Variants in RPH3A observed in about 807,000 individuals in gnomAD.
RPH3A encodes rabphilin-3A.
Under a neutral mutation model 102.2 loss-of-function variants are expected in RPH3A, and 48 were observed. The ratio of observed to expected loss-of-function variants is 0.47; its 90% CI spans 0.37 to 0.60. The LOEUF is 0.60. Ranked by LOEUF, RPH3A falls within the 20% of genes least tolerant of loss-of-function variation. The probability of loss-of-function intolerance (pLI) is 0.00; values close to 1 mark genes in which losing one functional copy is unlikely to be tolerated. For missense variants in RPH3A, 781 were observed against 910.1 expected (o/e 0.86, Z 1.83); for synonymous variants, 310 against 324.3 (o/e 0.96, Z 0.47).
chr12:112,831,819 AT>A (rs775194389), intron 3 of RPH3A: 87 of 455,970 alleles, frequency 1.9e-4, no homozygotes, highest in African/African-American at 1.7e-3. Context: ...AAGCCAACAA[AT>A]TGCCCTTCCT....
chr12:112,720,555 C>T (rs2040543522), intron 1 of RPH3A, among the ~76,000 whole-genome samples: 1 of 152,094 alleles, frequency 6.6e-6, no homozygotes, highest in Non-Finnish European at 1.5e-5. Flanking sequence ...TGTAACAAAC[C>T]ACCTCTAAAT....
intron 1 of RPH3A, among the ~76,000 whole-genome samples, chr12:112,722,918 T>A (rs1470689972): frequency 6.6e-6 from 1 of 152,252 alleles, no homozygotes; most frequent in African/African-American, 2.4e-5. Flanking sequence ...TTGAGTATTA[T>A]TTTGGTCCTG....
chr12:112,876,930 C>T, intron 13 of RPH3A, 64 bp downstream of exon 13: 1 of 1,305,020 alleles, frequency 7.7e-7, no homozygotes, highest in Non-Finnish European at 1.1e-6. Context: ...CCCAGGAAAA[C>T]AGGAACGGCT....
chr12:112,614,291 A>G (rs1390448632), intron 1 of RPH3A, among the ~76,000 whole-genome samples: 1 of 152,118 alleles, frequency 6.6e-6, no homozygotes, highest in Non-Finnish European at 1.5e-5. Context: ...TAGTGAATAA[A>G]TCTCCCTGAG....
At chr12:112,585,740 G>GA (rs369454683) in intron 1 of RPH3A, among the ~76,000 whole-genome samples, 28 of 148,810 alleles carry the variant, frequency 1.9e-4, no homozygotes, top group African/African-American at 5.4e-4. Context: ...CTGTCTCAAA[G>GA]AAAAAAAAAA....
At chr12:112,678,545 C>T (rs1425211081) in intron 1 of RPH3A, among the ~76,000 whole-genome samples, 2 of 151,962 alleles carry the variant, frequency 1.3e-5, no homozygotes, top group Non-Finnish European at 2.9e-5. Context: ...ATCAATGCCA[C>T]GGAGGGTTTT....
intron 2 of RPH3A, among the ~76,000 whole-genome samples, chr12:112,806,384 C>A (rs1380299884): frequency 6.6e-6 from 1 of 152,174 alleles, no homozygotes; most frequent in Admixed American, 6.5e-5. Flanking sequence ...CCTGTAATCC[C>A]AGCACTTTGG....
At chr12:112,819,096 A>G (rs974370080) in intron 2 of RPH3A, among the ~76,000 whole-genome samples, 3 of 151,556 alleles carry the variant, frequency 2.0e-5, no homozygotes, top group East Asian at 1.9e-4. Flanking sequence ...AGATATATAT[A>G]TGTGTGTGTG....
intron 1 of RPH3A, among the ~76,000 whole-genome samples, chr12:112,584,146 A>G (rs550827425): frequency 1.3e-5 from 2 of 152,218 alleles, no homozygotes; most frequent in African/African-American, 4.8e-5. Context: ...GGAAGTCTGC[A>G]GTATCACAAA....
At chr12:112,894,465 C>A in intron 19 of RPH3A, 113 bp from the exon 20 acceptor site, 1 of 908,792 alleles carries the variant, frequency 1.1e-6, no homozygotes, top group Non-Finnish European at 1.7e-6. Context: ...CAATGTTGAT[C>A]CCTTTCTGAT....
At chr12:112,721,301 G>T (rs1329549136) in intron 1 of RPH3A, among the ~76,000 whole-genome samples, 1 of 152,186 alleles carries the variant, frequency 6.6e-6, no homozygotes, top group Non-Finnish European at 1.5e-5. Context: ...GGACCTGAAG[G>T]AGTTGGTGAA....
intron 5 of RPH3A, among the ~76,000 whole-genome samples, chr12:112,864,751 G>C (rs1213420615): frequency 6.6e-6 from 1 of 152,164 alleles, no homozygotes; most frequent in Non-Finnish European, 1.5e-5. Flanking sequence ...ATTTTCAAAG[G>C]GGAGTCTTCC....
intron 1 of RPH3A, among the ~76,000 whole-genome samples, chr12:112,638,586 G>T (rs2039864343): frequency 6.6e-6 from 1 of 152,146 alleles, no homozygotes; most frequent in Non-Finnish European, 1.5e-5. Flanking sequence ...AGTGTTTTAT[G>T]GTCAACAGGG....
intron 2 of RPH3A, among the ~76,000 whole-genome samples, chr12:112,793,104 C>T (rs964569910): frequency 6.6e-6 from 1 of 152,140 alleles, no homozygotes. Flanking sequence ...AGACCGTCCC[C>T]CTGCACTAGT....
intron 1 of RPH3A, among the ~76,000 whole-genome samples, chr12:112,644,526 C>T (rs1475145010): frequency 6.6e-6 from 1 of 152,222 alleles, no homozygotes; most frequent in Non-Finnish European, 1.5e-5. Flanking sequence ...ACACCTCGGA[C>T]AGGCAGTCAC....
At position 112,828,173 on chromosome 12, in the gene RPH3A, A is replaced by C. The variant is rs1243666604; in HGVS notation, c.-18-128A>C. ...AGGGTCTCAGACTCCCCATCTGGAAAATGAAGAAACTGGATTTAGTTCTCT... is the reference window on the plus strand; with the variant it reads ...AGGGTCTCAGACTCCCCATCTGGAACATGAAGAAACTGGATTTAGTTCTCT... On this transcript the variant is annotated intron_variant, in intron 2 of 21. Transcript: ENST00000389385. The C allele has an allele frequency of 1.2e-5, 8 of 683,028 alleles. No individual in the cohort carries two copies. The Admixed American group carries it at 1.2e-4, about 10-fold the overall frequency. 42.3% of individuals were successfully genotyped at this position (683,028 alleles called of 1,614,324 possible). A position where few individuals can be genotyped will look rare whatever the true frequency, so the allele number is the denominator to read the frequency against.
At chr12:112,847,877 G>T in intron 5 of RPH3A, 35 bp downstream of exon 5, 3 of 1,606,526 alleles carry the variant, frequency 1.9e-6, no homozygotes, top group Non-Finnish European at 2.6e-6. Context: ...CCCCAGAGCT[G>T]CTGTGGCAGG....
chr12:112,708,806 A>G (rs1308008817), intron 1 of RPH3A, among the ~76,000 whole-genome samples: 1 of 152,132 alleles, frequency 6.6e-6, no homozygotes, highest in Admixed American at 6.5e-5. Flanking sequence ...GGTGAAAGGG[A>G]TGGCTGGGAA....
chr12:112,815,079 C>T (rs981603695), intron 2 of RPH3A, among the ~76,000 whole-genome samples: 1 of 151,984 alleles, frequency 6.6e-6, no homozygotes, highest in Admixed American at 6.6e-5. Flanking sequence ...AAGAATATAC[C>T]CCAGCCTGTC....
Sources: allele counts gnomAD v4.1 joint callset (sites outside exome capture counted in the v4.1 genomes callset), GRCh38; gene constraint gnomAD v4.1.1; transcripts MANE v1.5; gene names NCBI Gene and HGNC (gene_info 2026-07-23, HGNC 2026-07-21).